Variants in FHIT observed in about 807,000 individuals in gnomAD.
The protein encoded by FHIT is fragile histidine triad diadenosine triphosphatase, also known as bis(5'-adenosyl)-triphosphatase.
FHIT carries 19 observed loss-of-function variants against 17.9 expected under a neutral mutation model. That is an observed-to-expected ratio of 1.06 (90% CI 0.74 to 1.56). FHIT has a LOEUF of 1.56. Ranked by LOEUF, FHIT falls within the 40% of genes most tolerant of loss-of-function variation. The pLI, the probability that FHIT is intolerant of heterozygous loss-of-function variation, is 0.00. For missense variants in FHIT, 248 were observed against 189.2 expected (o/e 1.31, Z -1.82); for synonymous variants, 81 against 69.7 (o/e 1.16, Z -0.81).
chr3:59,874,589 T>C lies in FHIT; in HGVS notation c.348+47757A>G, dbSNP rs183604442. Among the ~76,000 whole-genome samples, 278 of 152,120 alleles carry C rather than the reference T, an allele frequency of 1.8e-3. 2 individuals are homozygous for C. Among genetic ancestry groups the C allele is most frequent in the African/African-American group, 6.2e-3 (256 of 41,524 alleles). ...TTCCCTCACAGACTGAAACGTACGA[T>C]ATTACGGGGTTAGGACAGTGGGCTT... On this transcript the variant is annotated intron_variant, in intron 8 of 9. Transcript: ENST00000492590.
At chr3:60,710,682 T>C (rs1244364398) in intron 4 of FHIT, among the ~76,000 whole-genome samples, 1 of 152,086 alleles carries the variant, frequency 6.6e-6, no homozygotes, top group Non-Finnish European at 1.5e-5. Context: ...AGCACAGCAA[T>C]CTGAGATCAA....
intron 3 of FHIT, among the ~76,000 whole-genome samples, chr3:60,919,796 G>A (rs770239497): frequency 1.3e-5 from 2 of 152,182 alleles, no homozygotes; most frequent in Non-Finnish European, 2.9e-5. Context: ...AGCACTTTGG[G>A]AGGCCGAGAT....
At chr3:60,281,825 T>C (rs965651970) in intron 5 of FHIT, among the ~76,000 whole-genome samples, 3 of 152,244 alleles carry the variant, frequency 2.0e-5, no homozygotes, top group Admixed American at 6.5e-5. Context: ...AATTTTAAAT[T>C]GAATTGTATT....
chr3:60,842,643 ATATTTTTTTTT>A (rs1702775604), intron 3 of FHIT, among the ~76,000 whole-genome samples: 6 of 48,260 alleles, frequency 1.2e-4, no homozygotes, highest in African/African-American at 2.2e-4. Context: ...ATATATATAT[ATATTTTTTTTT>A]TTTTTTTTTT....
chr3:60,694,063 C>T (rs1553700025), intron 4 of FHIT, among the ~76,000 whole-genome samples: 1 of 152,144 alleles, frequency 6.6e-6, no homozygotes, highest in Non-Finnish European at 1.5e-5. Flanking sequence ...AGTATAATTA[C>T]TTGATGACAT....
rs1231855840 is a variant in FHIT, at chr3:60,704,538, C to G, written c.-18+117381G>C. On this transcript the variant is annotated intron_variant, in intron 4 of 9. Coordinates refer to ENST00000492590, the MANE Select transcript of FHIT (RefSeq NM_002012.4). ...TAAAATCATTAGTGCTGCATCAGCA[C>G]TTCTGATCTAAATGACATTTCAAGG... is the stretch of plus-strand genomic sequence containing the variant. Among the ~76,000 whole-genome samples, 3 of 152,154 alleles carry G rather than the reference C, an allele frequency of 2.0e-5. No individual in the cohort carries two copies. In the South Asian group the frequency reaches 6.2e-4, roughly 32 times the overall value.
intron 5 of FHIT, among the ~76,000 whole-genome samples, chr3:60,340,700 T>C (rs1040325446): frequency 6.6e-6 from 1 of 152,152 alleles, no homozygotes; most frequent in Non-Finnish European, 1.5e-5. Context: ...TGTCCACTTA[T>C]ATGAGGAGGA....
chr3:60,148,419 G>C (rs191897232), intron 5 of FHIT, among the ~76,000 whole-genome samples: 2 of 152,284 alleles, frequency 1.3e-5, no homozygotes. Context: ...CAGTTTGGGA[G>C]AATCTGTATA....
intron 8 of FHIT, among the ~76,000 whole-genome samples, chr3:59,816,314 C>T (rs1339223729): frequency 6.6e-6 from 1 of 152,162 alleles, no homozygotes; most frequent in Non-Finnish European, 1.5e-5. Context: ...ATGTCATCTT[C>T]AATATGATTT....
intron 3 of FHIT, among the ~76,000 whole-genome samples, chr3:60,954,270 A>G (rs1394914328): frequency 6.6e-6 from 1 of 152,234 alleles, no homozygotes; most frequent in African/African-American, 2.4e-5. Flanking sequence ...TATCATATGC[A>G]TGAATGTATA....
chr3:60,644,644 C>T (rs779805783), intron 4 of FHIT, among the ~76,000 whole-genome samples: 1 of 152,170 alleles, frequency 6.6e-6, no homozygotes, highest in Admixed American at 6.6e-5. Flanking sequence ...TCTTCCTTTG[C>T]CCTTGGATAA....
At chr3:60,515,807 T>G (rs1283141822) in intron 5 of FHIT, among the ~76,000 whole-genome samples, 5 of 152,356 alleles carry the variant, frequency 3.3e-5, no homozygotes, top group African/African-American at 1.2e-4. Flanking sequence ...ACCGCCCATT[T>G]GAAGCATAAG....
intron 5 of FHIT, among the ~76,000 whole-genome samples, chr3:60,026,189 A>G (rs1204685962): frequency 6.6e-6 from 1 of 152,186 alleles, no homozygotes; most frequent in Non-Finnish European, 1.5e-5. Context: ...CAAATCTCCT[A>G]GCCTACTGTC....
At chr3:60,838,211 G>C (rs1169938801) in intron 3 of FHIT, among the ~76,000 whole-genome samples, 1 of 152,186 alleles carries the variant, frequency 6.6e-6, no homozygotes, top group African/African-American at 2.4e-5. Flanking sequence ...GGTGGCTCAC[G>C]CCTGTAATCC....
At chr3:59,823,470 T>C (rs1490854546) in intron 8 of FHIT, among the ~76,000 whole-genome samples, 1 of 151,998 alleles carries the variant, frequency 6.6e-6, no homozygotes, top group Non-Finnish European at 1.5e-5. Context: ...GCTAACTGAA[T>C]CCAACAGCAC....
chr3:60,375,618 T>C (rs1700522896), intron 5 of FHIT, among the ~76,000 whole-genome samples: 1 of 152,092 alleles, frequency 6.6e-6, no homozygotes, highest in Non-Finnish European at 1.5e-5. Context: ...ACTATACCAT[T>C]TTAAAGTACA....
At chr3:60,738,498 G>T (rs1553713148) in intron 4 of FHIT, among the ~76,000 whole-genome samples, 1 of 152,154 alleles carries the variant, frequency 6.6e-6, no homozygotes, top group African/African-American at 2.4e-5. Context: ...CAGGCTCAGA[G>T]TCCTATCTGT....
At chr3:59,845,501 A>G (rs1046363416) in intron 8 of FHIT, among the ~76,000 whole-genome samples, 1 of 152,028 alleles carries the variant, frequency 6.6e-6, no homozygotes, top group Non-Finnish European at 1.5e-5. Context: ...TTTAAGTATT[A>G]TCTAATTCCC....
intron 5 of FHIT, among the ~76,000 whole-genome samples, chr3:60,501,135 G>C (rs2034509002): frequency 6.6e-6 from 1 of 152,122 alleles, no homozygotes; most frequent in Non-Finnish European, 1.5e-5. Flanking sequence ...GCAAAAAACT[G>C]ATTCACTCAC....
Sources: gnomAD v4.1 joint callset for allele counts (sites outside exome capture counted in the v4.1 genomes callset) on GRCh38, gnomAD v4.1.1 for gene constraint, MANE v1.5 for transcripts, NCBI Gene and HGNC (gene_info 2026-07-23, HGNC 2026-07-21) for gene names.